Variants in ITGA11 observed in about 807,000 individuals in gnomAD.
ITGA11 encodes integrin alpha-11.
Under a neutral mutation model 141.9 loss-of-function variants are expected in ITGA11, and 97 were observed. That is an observed-to-expected ratio of 0.68 (90% confidence interval 0.58 to 0.81). The LOEUF is 0.81. Ranked by LOEUF, ITGA11 falls within the 30% of genes least tolerant of loss-of-function variation. The pLI is 0.00. For missense variants in ITGA11, 1,387 were observed against 1,559.2 expected, an observed-to-expected ratio of 0.89 and a Z score of 1.86; for synonymous variants, 658 against 624.6, an observed-to-expected ratio of 1.05 and a Z score of -0.80.
rs1893012551 is a variant in ITGA11 at position 68,301,001 on chromosome 15, C to T, written c.*2058G>A. 6.6e-6 allele frequency: 1 copy of T among 152,210 alleles called. No homozygotes were observed. The highest frequency in any genetic ancestry group is 1.5e-5 in the Non-Finnish European group (1 of 68,042). The allele number at this position is 152,210 out of a possible 1,614,324, so 9.4% of individuals were successfully genotyped here. On this transcript the variant is annotated 3_prime_UTR_variant, in exon 30 of 30. Coordinates refer to ENST00000315757, the MANE Select transcript of ITGA11 (RefSeq NM_001004439.2). This position sits in a 1 kb window ranked among gnomAD's most constrained non-coding sequence, Gnocchi z 4.4. ...TAATTCTCATTTAGCCAGGTTACCC[C>T]ATTCATAAGAGTGATGACGGAAATG... is the stretch of plus-strand genomic sequence containing the variant.
chr15:68,357,649 T>C (rs573986387), intron 6 of ITGA11, among the ~76,000 whole-genome samples: 1 of 151,444 alleles, frequency 6.6e-6, no homozygotes, highest in East Asian at 1.9e-4. Flanking sequence ...AAGGTCACAG[T>C]GTTTACCAAA....
intron 10 of ITGA11, among the ~76,000 whole-genome samples, chr15:68,344,443 G>C (rs1234044318): frequency 6.6e-6 from 1 of 152,174 alleles, no homozygotes; most frequent in African/African-American, 2.4e-5. Flanking sequence ...CAGCCACTAA[G>C]AACCTTAGCG....
chr15:68,360,103 A>T (rs1250834333), intron 5 of ITGA11, among the ~76,000 whole-genome samples: 1 of 152,214 alleles, frequency 6.6e-6, no homozygotes, highest in Admixed American at 6.5e-5. Flanking sequence ...TCCCACCTGC[A>T]TACTGTGTAC....
intron 1 of ITGA11, among the ~76,000 whole-genome samples, chr15:68,430,105 T>C (rs1374552784): frequency 6.6e-6 from 1 of 152,228 alleles, no homozygotes; most frequent in Non-Finnish European, 1.5e-5. Context: ...TTGATTGATA[T>C]GTTTAATGAA....
rs1893836335 is a variant in ITGA11, at chr15:68,322,227, T to TG, written c.2323-725dup. Reference sequence around the variant, plus strand: ...TCAGGGGCCTGTGTTTACAGGGCCTTGGGGTCATTCCTTGCAACTGGTAGG... The same window carrying TG: ...TCAGGGGCCTGTGTTTACAGGGCCTTGGGGGTCATTCCTTGCAACTGGTAGG... On this transcript the variant is annotated intron_variant, in intron 18 of 29. Transcript: ENST00000315757. The surrounding 1 kb of genome is among the most constrained non-coding windows in gnomAD (Gnocchi z 5.6). Among the ~76,000 whole-genome samples, 1 of 152,148 alleles carries TG rather than the reference T, an allele frequency of 6.6e-6. No homozygotes were observed. The highest frequency in any genetic ancestry group is 1.5e-5 in the Non-Finnish European group (1 of 68,016).
At chr15:68,357,041 AATT>A in intron 7 of ITGA11, 107 bp downstream of exon 7, 1 of 1,021,314 alleles carries the variant, frequency 9.8e-7, no homozygotes, top group Non-Finnish European at 1.4e-6. Context: ...GGAATTAAGA[AATT>A]ATTGTCTCAA....
At chr15:68,315,956 G>C (rs542503716) in intron 21 of ITGA11, among the ~76,000 whole-genome samples, 2 of 152,190 alleles carry the variant, frequency 1.3e-5, no homozygotes, top group Non-Finnish European at 2.9e-5. Context: ...TCCCACAATG[G>C]GGTTTCTCGG....
intron 2 of ITGA11, among the ~76,000 whole-genome samples, chr15:68,372,165 CCTT>C: frequency 6.6e-6 from 1 of 152,296 alleles, no homozygotes; most frequent in East Asian, 1.9e-4. Flanking sequence ...CTGGGTCAGC[CCTT>C]CTCTCCATTC....
chr15:68,365,558 G>C (rs914970602), intron 3 of ITGA11: 1 of 151,934 alleles, frequency 6.6e-6, no homozygotes, highest in African/African-American at 2.4e-5. Flanking sequence ...GTGTGTGTGT[G>C]TGTGTGTGTG....
chr15:68,412,901 C>T (rs992662456), intron 1 of ITGA11, among the ~76,000 whole-genome samples: 15 of 152,000 alleles, frequency 9.9e-5, no homozygotes, highest in African/African-American at 3.1e-4. Flanking sequence ...GTCTTGAACT[C>T]CTGACCTCAA....
At chr15:68,337,634 C>T (rs538927171) in intron 11 of ITGA11, among the ~76,000 whole-genome samples, 1 of 152,324 alleles carries the variant, frequency 6.6e-6, no homozygotes, top group South Asian at 2.1e-4. Flanking sequence ...TCTACCCTAT[C>T]AGGGTCTTCT....
rs551223912 is a variant in ITGA11, at chr15:68,298,872, C to G, written c.*4187G>C. 2.6e-5 allele frequency: 4 copies of G among 152,030 alleles called. No individual in the cohort carries two copies. The South Asian group carries it at 6.3e-4, about 24-fold the overall frequency. 9.4% of individuals were successfully genotyped at this position (152,030 alleles called of 1,614,324 possible). ...ACCAGCCTGGGCAACATGGCGAGAC[C>G]CTGTCTCTACAAAAAATACTAAAAT... On this transcript the variant is annotated 3_prime_UTR_variant, in exon 30 of 30. Coordinates refer to ENST00000315757, the MANE Select transcript of ITGA11 (RefSeq NM_001004439.2).
chr15:68,398,524 G>A (rs945929779), intron 2 of ITGA11, among the ~76,000 whole-genome samples: 1 of 150,662 alleles, frequency 6.6e-6, no homozygotes, highest in African/African-American at 2.4e-5. Context: ...GACCTACAAA[G>A]AGACTTAGAC....
chr15:68,332,166 C>A (rs1476565679), intron 13 of ITGA11, 104 bp from the exon 14 acceptor site: 15 of 1,236,730 alleles, frequency 1.2e-5, no homozygotes, highest in Non-Finnish European at 1.7e-5. Context: ...CCACTCCATT[C>A]CCCAGAACCC....
intron 1 of ITGA11, among the ~76,000 whole-genome samples, chr15:68,406,209 A>T (rs1312199930): frequency 6.6e-6 from 1 of 152,152 alleles, no homozygotes; most frequent in Non-Finnish European, 1.5e-5. Context: ...GACCCTTCCA[A>T]GACCTGTGAG....
intron 1 of ITGA11, among the ~76,000 whole-genome samples, chr15:68,414,618 C>T (rs556513288): frequency 2.6e-5 from 4 of 152,266 alleles, no homozygotes; most frequent in South Asian, 2.1e-4. Flanking sequence ...CTGTGTGTTC[C>T]GCCTCCTCTG....
intron 1 of ITGA11, among the ~76,000 whole-genome samples, chr15:68,415,660 C>T (rs899537663): frequency 1.3e-5 from 2 of 152,156 alleles, no homozygotes; most frequent in Admixed American, 6.5e-5. Flanking sequence ...CCACCTTCCC[C>T]GGGAGGAGGA....
chr15:68,315,538 G>A (rs1893543802), intron 22 of ITGA11, 113 bp downstream of exon 22: 1 of 924,558 alleles, frequency 1.1e-6, no homozygotes, highest in African/African-American at 1.6e-5. Flanking sequence ...GGGGCAGTGG[G>A]GGACAGGGCG....
At chr15:68,393,732 T>C (rs1896169481) in intron 2 of ITGA11, among the ~76,000 whole-genome samples, 1 of 152,186 alleles carries the variant, frequency 6.6e-6, no homozygotes, top group African/African-American at 2.4e-5. Flanking sequence ...TAGAGTTCTT[T>C]GGCTGAAAGA....
Sources: gnomAD v4.1 joint callset for allele counts (sites outside exome capture counted in the v4.1 genomes callset) on GRCh38, gnomAD v4.1.1 for gene constraint, Gnocchi (gnomAD v3.1) non-coding constraint, MANE v1.5 for transcripts, NCBI Gene and HGNC (gene_info 2026-07-23, HGNC 2026-07-21) for gene names.